GALNT17: variants seen among roughly 807,000 people sequenced by gnomAD.
GALNT17 encodes the protein UDP-GalNAc:polypeptide N-acetylgalactosaminyltransferase-like 3.
GALNT17 carries 29 observed loss-of-function variants against 63.7 expected under a neutral mutation model. The observed-to-expected ratio is 0.46, with a 90% CI of 0.34 to 0.62. The LOEUF (loss-of-function observed/expected upper bound fraction) is 0.62, where lower values mean the gene tolerates loss of function less well. GALNT17 is among the 20% of genes least tolerant of loss of function. GALNT17 has a pLI of 0.01. For synonymous variants in GALNT17, 305 were observed against 318.3 expected (o/e 0.96, Z 0.45); for missense variants, 603 against 799.6 (o/e 0.75, Z 2.97).
intron 1 of GALNT17, among the ~76,000 whole-genome samples, chr7:71,262,519 C>T (rs1360591738): frequency 1.3e-5 from 2 of 151,956 alleles, no homozygotes; most frequent in Non-Finnish European, 2.9e-5. Context: ...TTGCATTTTC[C>T]CCAAATTCCT....
rs544849903 is a variant in GALNT17, at chr7:71,555,658, T to C, written c.963-15627T>C. Among the ~76,000 whole-genome samples the C allele has an allele frequency of 2.0e-5, 3 of 152,104 alleles. No homozygotes were observed. The East Asian group carries it at 5.8e-4, about 30-fold the overall frequency. Reference sequence around the variant, plus strand: ...GTGATTCTCAACCCTGGTTGTGCTTTAGAATCAAATATGGATGTAGACCCA... The same window carrying C: ...GTGATTCTCAACCCTGGTTGTGCTTCAGAATCAAATATGGATGTAGACCCA... On this transcript the variant is annotated intron_variant, in intron 5 of 10. Coordinates refer to ENST00000333538, the MANE Select transcript of GALNT17 (RefSeq NM_022479.3).
chr7:71,239,515 G>T (rs1789956741), intron 1 of GALNT17, among the ~76,000 whole-genome samples: 1 of 152,202 alleles, frequency 6.6e-6, no homozygotes, highest in Non-Finnish European at 1.5e-5. Context: ...CTGTGTTCAT[G>T]ACTCAGTTGG....
chr7:71,164,581 AG>A (rs1319305459), intron 1 of GALNT17, among the ~76,000 whole-genome samples: 1 of 152,196 alleles, frequency 6.6e-6, no homozygotes, highest in African/African-American at 2.4e-5. Flanking sequence ...GGAAATAGTG[AG>A]GAAGTGCACT....
At chr7:71,226,927 TC>T (rs1330725594) in intron 1 of GALNT17, among the ~76,000 whole-genome samples, 2 of 151,826 alleles carry the variant, frequency 1.3e-5, no homozygotes, top group South Asian at 2.1e-4. Flanking sequence ...TGACAGTCCG[TC>T]CCCCCTCTAT....
Position 71,682,219 on chromosome 7 carries a change from G to A in GALNT17, c.1500+4913G>A, listed in dbSNP as rs6972088. On this transcript the variant is annotated intron_variant, in intron 9 of 10. Transcript: ENST00000333538. The stretch of plus-strand genomic sequence containing the variant: ...TGGGATTACAGGCAAGAGCCACTGC[G>A]CCCGGCCTCAGGGGAAGGTTTTTAA... Among the ~76,000 whole-genome samples the A allele has an allele frequency of 4.9e-3, 739 of 151,978 alleles. 5 individuals carry two copies. The highest frequency in any genetic ancestry group is 0.017 in the African/African-American group (698 of 41,306).
intron 1 of GALNT17, among the ~76,000 whole-genome samples, chr7:71,153,115 G>A (rs1788163575): frequency 6.6e-6 from 1 of 151,636 alleles, no homozygotes; most frequent in African/African-American, 2.4e-5. Context: ...GACGAAGCAA[G>A]GGCTTTGGAG....
At chr7:71,308,285 C>G (rs10238960) in intron 1 of GALNT17, among the ~76,000 whole-genome samples, 1 of 151,896 alleles carries the variant, frequency 6.6e-6, no homozygotes, top group African/African-American at 2.4e-5. Flanking sequence ...CTGCCAGTGC[C>G]GGGACCAAGG....
rs528793878 is a variant in GALNT17 at position 71,207,619 on chromosome 7, A to G, written c.238+74579A>G. ...GTCATGCCACGTGGACTGCCTGAGC[A>G]AGGGCTTCTGGAGGCAAAACACAAC... is the stretch of plus-strand genomic sequence containing the variant. On this transcript the variant is annotated intron_variant, in intron 1 of 10. Transcript: ENST00000333538. 1.1e-4 allele frequency among the ~76,000 whole-genome samples: 16 copies of G among 152,272 alleles called. No individual in the cohort carries two copies. In the South Asian group the frequency reaches 3.3e-3, roughly 32 times the overall value.
At chr7:71,456,951 G>T (rs1481689037) in intron 5 of GALNT17, among the ~76,000 whole-genome samples, 1 of 152,096 alleles carries the variant, frequency 6.6e-6, no homozygotes, top group African/African-American at 2.4e-5. Context: ...CGAAGCGGGG[G>T]GTTCCAGGTC....
Position 71,461,328 on chromosome 7 carries a change from G to A in GALNT17, c.962+40223G>A, listed in dbSNP as rs555904554. ...TTAAAAATGACTTGAAGGAAAAGTC[G>A]GAAGGAGAACATAGGAAAGGGCCTT... is the stretch of plus-strand genomic sequence containing the variant. On this transcript the variant is annotated intron_variant, in intron 5 of 10. Transcript: ENST00000333538. Among the ~76,000 whole-genome samples the A allele has an allele frequency of 7.2e-5, 11 of 152,284 alleles. No homozygotes were observed. In the South Asian group the frequency reaches 8.3e-4, roughly 11 times the overall value.
intron 5 of GALNT17, among the ~76,000 whole-genome samples, chr7:71,496,364 G>A (rs556275218): frequency 6.6e-5 from 10 of 152,172 alleles, no homozygotes; most frequent in Non-Finnish European, 1.5e-4. Context: ...TGGGGGTGGG[G>A]AGACATCTTT....
At chr7:71,348,124 G>A (rs1434025636) in intron 2 of GALNT17, among the ~76,000 whole-genome samples, 3 of 152,150 alleles carry the variant, frequency 2.0e-5, no homozygotes, top group African/African-American at 7.2e-5. Flanking sequence ...AGCTGAGCGT[G>A]GTGGTGGGTG....
In GALNT17 at chr7:71,278,873, C is replaced by G. The variant is rs142815448; in HGVS notation, c.239-56677C>G. On this transcript the variant is annotated intron_variant, in intron 1 of 10. Transcript: ENST00000333538. The stretch of plus-strand genomic sequence containing the variant: ...GATTTGGGTGGGGACACAGCCAAAC[C>G]GTATCAACCTTCTTCCCTCTGTGTA... Among the ~76,000 whole-genome samples, 33 of 151,842 alleles carry G rather than the reference C, an allele frequency of 2.2e-4. No individual in the cohort carries two copies. In the East Asian group the frequency reaches 6.2e-3, roughly 29 times the overall value.
chr7:71,609,998 A>G (rs1032901739), intron 6 of GALNT17, among the ~76,000 whole-genome samples: 2 of 152,114 alleles, frequency 1.3e-5, no homozygotes, highest in African/African-American at 2.4e-5. Context: ...ACCTCCCAAA[A>G]AGAGAATGTA....
intron 1 of GALNT17, among the ~76,000 whole-genome samples, chr7:71,304,356 A>C (rs1791253009): frequency 6.6e-6 from 1 of 152,222 alleles, no homozygotes; most frequent in Admixed American, 6.5e-5. Context: ...CGTATATAGA[A>C]ACTGAAGGCA....
intron 4 of GALNT17, among the ~76,000 whole-genome samples, chr7:71,416,277 G>A (rs969289260): frequency 6.6e-6 from 1 of 152,132 alleles, no homozygotes; most frequent in Non-Finnish European, 1.5e-5. Flanking sequence ...ACCATCATTG[G>A]CATCATCGTC....
At chr7:71,269,183 G>A (rs1194151221) in intron 1 of GALNT17, among the ~76,000 whole-genome samples, 1 of 152,184 alleles carries the variant, frequency 6.6e-6, no homozygotes, top group African/African-American at 2.4e-5. Flanking sequence ...AGCCTTTTGT[G>A]GCCAGGCATC....
intron 5 of GALNT17, among the ~76,000 whole-genome samples, chr7:71,450,590 C>A (rs1409903864): frequency 6.6e-6 from 1 of 152,178 alleles, no homozygotes; most frequent in East Asian, 1.9e-4. Context: ...GTTTTTAGTA[C>A]GTTCACAGAG....
At chr7:71,184,952 CTT>C (rs1788810832) in intron 1 of GALNT17, among the ~76,000 whole-genome samples, 1 of 91,554 alleles carries the variant, frequency 1.1e-5, no homozygotes, top group African/African-American at 7.6e-5. Flanking sequence ...TCCTTCCTTC[CTT>C]CCTTCCTTCC....
Sources: allele counts gnomAD v4.1 joint callset (sites outside exome capture counted in the v4.1 genomes callset), GRCh38; gene constraint gnomAD v4.1.1; transcripts MANE v1.5; gene names NCBI Gene and HGNC (gene_info 2026-07-23, HGNC 2026-07-21).